The following ROBO2 variants were observed in gnomAD, a reference collection of about 807,000 sequenced individuals.
ROBO2 encodes the protein roundabout homolog 2.
In ROBO2, 53 loss-of-function variants were observed where a neutral mutation model predicts 160.8. The ratio of observed to expected loss-of-function variants is 0.33; its 90% CI spans 0.26 to 0.41. The LOEUF (loss-of-function observed/expected upper bound fraction) is 0.41. ROBO2 is among the 10% of genes least tolerant of loss of function. The pLI is 1.00. For missense variants in ROBO2, 1,577 were observed against 1,722.4 expected (o/e 0.92, Z 1.49); for synonymous variants, 664 against 611.7 (o/e 1.09, Z -1.26).
chr3:76,483,217 C>T (rs904928202), intron 2 of ROBO2, among the ~76,000 whole-genome samples: 4 of 151,658 alleles, frequency 2.6e-5, no homozygotes, highest in African/African-American at 9.7e-5. Context: ...AGATATGATA[C>T]CACTATTTTA....
intron 2 of ROBO2, among the ~76,000 whole-genome samples, chr3:77,031,262 G>A (rs978460504): frequency 2.0e-5 from 3 of 151,896 alleles, no homozygotes; most frequent in African/African-American, 4.8e-5. Flanking sequence ...AGAAATAGCC[G>A]TTTTTGTTTG....
intron 2 of ROBO2, among the ~76,000 whole-genome samples, chr3:76,306,899 G>T (rs144146651): frequency 6.6e-6 from 1 of 152,020 alleles, no homozygotes; most frequent in Non-Finnish European, 1.5e-5. Flanking sequence ...ATATTTAAGC[G>T]GTTTTTCCTG....
At chr3:77,205,049 C>A (rs1402821099) in intron 2 of ROBO2, among the ~76,000 whole-genome samples, 1 of 152,134 alleles carries the variant, frequency 6.6e-6, no homozygotes, top group Non-Finnish European at 1.5e-5. Flanking sequence ...TAGGTAGTAT[C>A]TAGGAGTGGA....
intron 2 of ROBO2, among the ~76,000 whole-genome samples, chr3:76,284,917 T>G (rs970629570): frequency 6.6e-6 from 1 of 152,100 alleles, no homozygotes; most frequent in African/African-American, 2.4e-5. Flanking sequence ...CCAATCTCAT[T>G]GGTGAAACTG....
chr3:77,216,280 C>T (rs1042368727), intron 2 of ROBO2, among the ~76,000 whole-genome samples: 4 of 152,124 alleles, frequency 2.6e-5, no homozygotes, highest in Non-Finnish European at 2.9e-5. Flanking sequence ...CAATGGCGGG[C>T]GCCCCTCCCC....
chr3:76,571,539 A>T (rs962946374), intron 2 of ROBO2, among the ~76,000 whole-genome samples: 1 of 152,148 alleles, frequency 6.6e-6, no homozygotes, highest in African/African-American at 2.4e-5. Context: ...TCCAATTAAG[A>T]TAATGGTAGA....
intron 24 of ROBO2, among the ~76,000 whole-genome samples, chr3:77,636,191 C>A (rs1006378980): frequency 6.6e-6 from 1 of 152,132 alleles, no homozygotes; most frequent in Admixed American, 6.6e-5. Flanking sequence ...AAAGGGTCAG[C>A]AAACTTCTTC....
intron 2 of ROBO2, among the ~76,000 whole-genome samples, chr3:76,654,863 G>A (rs1575744012): frequency 1.5e-5 from 2 of 132,410 alleles, no homozygotes; most frequent in Non-Finnish European, 1.6e-5. Flanking sequence ...ATACACACAC[G>A]TACATATATG....
chr3:76,222,486 C>G (rs983051382), intron 2 of ROBO2, among the ~76,000 whole-genome samples: 28 of 152,098 alleles, frequency 1.8e-4, no homozygotes, highest in African/African-American at 5.5e-4. Flanking sequence ...CCGCCCAACC[C>G]TTGAGATCTT....
intron 2 of ROBO2, among the ~76,000 whole-genome samples, chr3:76,020,414 T>C (rs1177712510): frequency 6.6e-6 from 1 of 151,900 alleles, no homozygotes; most frequent in Non-Finnish European, 1.5e-5. Context: ...CTTCGTATGT[T>C]CCTCTTTTGC....
At chr3:76,565,109 G>A (rs761691198) in intron 2 of ROBO2, among the ~76,000 whole-genome samples, 1 of 152,042 alleles carries the variant, frequency 6.6e-6, no homozygotes, top group Admixed American at 6.5e-5. Flanking sequence ...AGTGATCTTG[G>A]AATGGCTCAA....
intron 2 of ROBO2, among the ~76,000 whole-genome samples, chr3:76,292,078 C>T (rs1018866652): frequency 1.3e-5 from 2 of 151,964 alleles, no homozygotes; most frequent in African/African-American, 2.4e-5. Flanking sequence ...TTTTCTGCCT[C>T]GATGATCTGT....
intron 17 of ROBO2, among the ~76,000 whole-genome samples, chr3:77,591,727 T>C (rs1342284391): frequency 2.6e-5 from 4 of 152,160 alleles, no homozygotes; most frequent in Admixed American, 2.0e-4. Flanking sequence ...GTATCTCTAA[T>C]AAGCACAAAG....
At chr3:76,236,391 T>C (rs549653775) in intron 2 of ROBO2, among the ~76,000 whole-genome samples, 1 of 152,250 alleles carries the variant, frequency 6.6e-6, no homozygotes, top group African/African-American at 2.4e-5. Context: ...TAAAAATGTA[T>C]CTCTAAAGTG....
At chr3:76,323,680 CA>C (rs1200952444) in intron 2 of ROBO2, among the ~76,000 whole-genome samples, 2 of 152,178 alleles carry the variant, frequency 1.3e-5, no homozygotes, top group African/African-American at 4.8e-5. Flanking sequence ...GGTCCAAAAC[CA>C]GATGGCAAGA....
chr3:76,322,163 C>CATAT lies in ROBO2; in HGVS notation c.109+384561_109+384562insATAT, dbSNP rs1559761091. 7.5e-3 allele frequency among the ~76,000 whole-genome samples: 302 copies of CATAT among 40,108 alleles called. 2 individuals carry two copies. Among genetic ancestry groups the CATAT allele is most frequent in the Admixed American group, 0.01 (30 of 2,906 alleles). The allele number at this position is 40,108 out of a possible 152,430, so 26.3% of individuals were successfully genotyped here. ...TATTTGAAATGATTTCTACTTCTTC[C>CATAT]GTATATATATATATATATATATATA... is the stretch of plus-strand genomic sequence containing the variant. On this transcript the variant is annotated intron_variant, in intron 2 of 26. Transcript: ENST00000487694.
chr3:76,426,331 A>G (rs570305033), intron 2 of ROBO2, among the ~76,000 whole-genome samples: 18 of 152,222 alleles, frequency 1.2e-4, no homozygotes, highest in Admixed American at 5.2e-4. Context: ...ACAATTAAGG[A>G]GTCACAAGAG....
intron 2 of ROBO2, among the ~76,000 whole-genome samples, chr3:76,935,112 T>C (rs7652548): frequency 0.48 from 72,918 of 151,696 alleles, 18,384 homozygotes; most frequent in African/African-American, 0.65. Context: ...CCACCACACC[T>C]GGCTAATTTT....
At chr3:77,300,093 G>A (rs28446078) in intron 2 of ROBO2, among the ~76,000 whole-genome samples, 46,672 of 151,606 alleles carry the variant, frequency 0.31, 8,597 homozygotes, top group Middle Eastern at 0.46. Context: ...TGCAAATTTT[G>A]TAACTTTAAT....
Sources: allele counts gnomAD v4.1 joint callset (sites outside exome capture counted in the v4.1 genomes callset), GRCh38; gene constraint gnomAD v4.1.1; transcripts MANE v1.5; gene names NCBI Gene and HGNC (gene_info 2026-07-23, HGNC 2026-07-21).